Variants in DOCK10 observed in about 807,000 individuals in gnomAD.
The protein encoded by DOCK10 is dedicator of cytokinesis protein 10.
A neutral mutation model predicts 280.1 loss-of-function variants in DOCK10; 145 were observed. That is an observed-to-expected ratio of 0.52 (90% CI 0.45 to 0.59). The LOEUF (loss-of-function observed/expected upper bound fraction) is 0.59, where lower values mean the gene tolerates loss of function less well. Among genes scored for constraint, DOCK10 ranks in the 20% least tolerant of loss-of-function variants. The pLI is 0.00. For missense variants in DOCK10, 2,368 were observed against 2,651.7 expected (o/e 0.89, Z 2.35); for synonymous variants, 915 against 942.2 (o/e 0.97, Z 0.53).
rs1439869161 is a variant in DOCK10 at position 225,042,339 on chromosome 2, GCTC to G, written c.33_35del (p.Ser12del). ...CGGCCGCCTGCCCAGGTCTCAACAG[GCTC>G]CGGGTGAACCTGCGGGTCCGCTCAC... is the stretch of plus-strand genomic sequence containing the variant. On this transcript the variant is annotated inframe_deletion, in exon 1 of 56. Transcript: ENST00000258390. This position sits in a 1 kb window ranked among gnomAD's most constrained non-coding sequence, Gnocchi z 5.1. 1 of 1,324,016 alleles carries G rather than the reference GCTC, an allele frequency of 7.6e-7. No individual in the cohort carries two copies. Among genetic ancestry groups the G allele is most frequent in the African/African-American group, 1.5e-5 (1 of 65,546 alleles). The allele number at this position is 1,324,016 out of a possible 1,614,324, so 82.0% of individuals were successfully genotyped here.
intron 38 of DOCK10, among the ~76,000 whole-genome samples, chr2:224,804,449 GT>G (rs80246998): frequency 0.2 from 27,434 of 137,974 alleles, 3,647 homozygotes; most frequent in African/African-American, 0.4. Flanking sequence ...CAGATTACTT[GT>G]TTTTTTTTTT....
At chr2:224,826,686 C>T (rs751603507) in intron 27 of DOCK10, among the ~76,000 whole-genome samples, 9 of 151,436 alleles carry the variant, frequency 5.9e-5, no homozygotes, top group Admixed American at 1.3e-4. Context: ...CCCAAGAGTT[C>T]GAGACCAGCC....
rs1381711627 is a variant in DOCK10 at position 224,793,385 on chromosome 2, A to C, written c.5212+15T>G. 9 of 1,609,318 alleles carry C rather than the reference A, an allele frequency of 5.6e-6. No homozygotes were observed. The Admixed American group carries it at 8.4e-5, about 15-fold the overall frequency. On this transcript the variant is annotated intron_variant, in intron 46 of 55. Transcript: ENST00000258390. ...GATATCTAGGCTTTTTGCCTCCCTC[A>C]TGTGGTCATCTTACCCTTTCTTTTC...
chr2:224,864,664 A>T lies in DOCK10; in HGVS notation c.1491T>A (p.Ser497=). The change falls in exon 13 of 56, where the codon TCT becomes TCA. Residue 497 remains serine (S), a synonymous_variant. Transcript: ENST00000258390. ...WLKFPKQAVF[S]VSNPHSEIVL... is the part of the protein sequence containing the mutation. ...CAATTTCAGAATGTGGATTGCTTAC[A>T]GAAAATACAGCCTGTGTACAAAGAA... 3 of 1,611,576 alleles carry T rather than the reference A, an allele frequency of 1.9e-6. No homozygotes were observed. In the South Asian group the frequency reaches 3.3e-5, roughly 18 times the overall value.
At chr2:224,789,925 T>C (rs1352525015) in intron 47 of DOCK10, among the ~76,000 whole-genome samples, 1 of 151,932 alleles carries the variant, frequency 6.6e-6, no homozygotes, top group South Asian at 2.1e-4. Flanking sequence ...GCATTACAGG[T>C]GCCCGCCACC....
chr2:225,035,558 ATATATATATATATATATATATATATAT>A (rs1690214987), intron 1 of DOCK10, among the ~76,000 whole-genome samples: 1 of 40,740 alleles, frequency 2.5e-5, no homozygotes, highest in African/African-American at 8.6e-5. Context: ...ATATATATAT[ATATATATATATATATATATATATATAT>A]ATAACACTGA....
chr2:224,893,522 A>G (rs1356584305), intron 4 of DOCK10: 1 of 266,872 alleles, frequency 3.7e-6, no homozygotes, highest in Non-Finnish European at 7.9e-6. Context: ...GGCATCATAT[A>G]TTTTTATGCT....
At chr2:224,949,010 G>A (rs995616510) in intron 1 of DOCK10, among the ~76,000 whole-genome samples, 2 of 152,134 alleles carry the variant, frequency 1.3e-5, no homozygotes, top group Non-Finnish European at 2.9e-5. Context: ...TTCCTCAGCT[G>A]CTAATCATAG....
intron 51 of DOCK10, among the ~76,000 whole-genome samples, chr2:224,776,484 C>T (rs1690873585): frequency 6.6e-6 from 1 of 152,078 alleles, no homozygotes; most frequent in African/African-American, 2.4e-5. Context: ...AGGAGAGCCA[C>T]TAATAAAGTA....
intron 6 of DOCK10, 99 bp downstream of exon 6, chr2:224,885,964 C>A: frequency 6.5e-7 from 1 of 1,537,230 alleles, no homozygotes; most frequent in Admixed American, 2.0e-5. Flanking sequence ...TTATATGAAA[C>A]ATAAACTCAA....
At chr2:224,781,911 T>C (rs1235716185) in intron 50 of DOCK10, among the ~76,000 whole-genome samples, 6 of 152,174 alleles carry the variant, frequency 3.9e-5, no homozygotes, top group Admixed American at 3.9e-4. Flanking sequence ...CACTGTGTTG[T>C]CAAATATTAG....
intron 16 of DOCK10, among the ~76,000 whole-genome samples, chr2:224,853,980 G>T (rs1320102178): frequency 6.6e-6 from 1 of 152,082 alleles, no homozygotes; most frequent in Non-Finnish European, 1.5e-5. Context: ...TGCCTCATTT[G>T]TCGTGTTTCA....
At chr2:224,861,995 A>G (rs2125608632) in intron 14 of DOCK10, 1 of 152,340 alleles carries the variant, frequency 6.6e-6, no homozygotes, top group Middle Eastern at 3.4e-3. Flanking sequence ...AAATTCTTAC[A>G]CTAATAAAGA....
At chr2:225,012,145 C>G (rs1306726401) in intron 1 of DOCK10, among the ~76,000 whole-genome samples, 1 of 152,168 alleles carries the variant, frequency 6.6e-6, no homozygotes, top group Non-Finnish European at 1.5e-5. Flanking sequence ...AATATTTCCT[C>G]TGGCTATGCT....
intron 23 of DOCK10, 121 bp downstream of exon 23, chr2:224,841,683 A>C (rs1217940545): frequency 5.1e-6 from 3 of 584,190 alleles, no homozygotes; most frequent in Middle Eastern, 2.7e-4. Context: ...TGAATTGATA[A>C]GGTATTAAAA....
At chr2:224,835,318 C>CATTAA (rs1426506524) in intron 25 of DOCK10, among the ~76,000 whole-genome samples, 1 of 152,206 alleles carries the variant, frequency 6.6e-6, no homozygotes, top group Non-Finnish European at 1.5e-5. Context: ...TTTAAACTGG[C>CATTAA]ACTGAAATAT....
At chr2:224,947,536 TAAAG>T (rs753449532) in intron 1 of DOCK10, among the ~76,000 whole-genome samples, 18 of 152,360 alleles carry the variant, frequency 1.2e-4, no homozygotes, top group Non-Finnish European at 1.5e-4. Context: ...GCTATCTAAA[TAAAG>T]AAATTATGCT....
At chr2:224,828,859 C>T (rs1381443187) in intron 27 of DOCK10, among the ~76,000 whole-genome samples, 4 of 152,078 alleles carry the variant, frequency 2.6e-5, no homozygotes, top group African/African-American at 9.7e-5. Flanking sequence ...AATGGTGGTA[C>T]ATCATATTAA....
At chr2:225,011,186 T>C (rs910318197) in intron 1 of DOCK10, among the ~76,000 whole-genome samples, 1 of 152,122 alleles carries the variant, frequency 6.6e-6, no homozygotes, top group Non-Finnish European at 1.5e-5. Flanking sequence ...TTCACGCCAA[T>C]GAAGATGATT....
Sources: gnomAD v4.1 joint callset for allele counts (sites outside exome capture counted in the v4.1 genomes callset) on GRCh38, gnomAD v4.1.1 for gene constraint, Gnocchi (gnomAD v3.1) non-coding constraint, MANE v1.5 for transcripts, NCBI Gene and HGNC (gene_info 2026-07-23, HGNC 2026-07-21) for gene names.